The following PLCB1 variants were observed in gnomAD, a reference collection of about 807,000 sequenced individuals.
PLCB1 encodes the protein phospholipase C beta 1, also known as 1-phosphatidylinositol 4,5-bisphosphate phosphodiesterase beta-1.
PLCB1 carries 46 observed loss-of-function variants against 161.8 expected under a neutral mutation model. The ratio of observed to expected loss-of-function variants is 0.28; its 90% CI spans 0.22 to 0.36. PLCB1 has a LOEUF of 0.36. Among genes scored for constraint, PLCB1 ranks in the 10% least tolerant of loss-of-function variants. The pLI, the probability that PLCB1 is intolerant of heterozygous loss-of-function variation, is 1.00. For synonymous variants in PLCB1, 517 were observed against 503.7 expected (o/e 1.03, Z -0.35); for missense variants, 1,016 against 1,472.5 (o/e 0.69, Z 5.07).
chr20:8,321,756 C>T (rs1023395319), intron 2 of PLCB1, among the ~76,000 whole-genome samples: 1 of 152,146 alleles, frequency 6.6e-6, no homozygotes, highest in Non-Finnish European at 1.5e-5. Context: ...ACATTAAATG[C>T]CACCATCCTT....
At chr20:8,219,812 A>G (rs956368301) in intron 2 of PLCB1, among the ~76,000 whole-genome samples, 3 of 152,184 alleles carry the variant, frequency 2.0e-5, no homozygotes, top group African/African-American at 4.8e-5. Context: ...TTGAATTGTT[A>G]TATGTTAAAA....
intron 3 of PLCB1, among the ~76,000 whole-genome samples, chr20:8,417,480 T>C (rs1289829318): frequency 1.3e-5 from 2 of 151,748 alleles, no homozygotes; most frequent in African/African-American, 2.4e-5. Flanking sequence ...GTAAAAACAG[T>C]GTCATTGATT....
intron 2 of PLCB1, among the ~76,000 whole-genome samples, chr20:8,329,832 T>G (rs1985297874): frequency 2.0e-5 from 3 of 152,202 alleles, no homozygotes; most frequent in Admixed American, 2.0e-4. Context: ...GAGTTGGGTC[T>G]GTTTAGTCTA....
intron 2 of PLCB1, among the ~76,000 whole-genome samples, chr20:8,319,268 T>C (rs1242239934): frequency 6.6e-6 from 1 of 152,144 alleles, no homozygotes; most frequent in East Asian, 1.9e-4. Context: ...ATTTAGCTCA[T>C]GTATCTGTAG....
chr20:8,741,778 A>G (rs1158270393), intron 23 of PLCB1, among the ~76,000 whole-genome samples: 1 of 152,242 alleles, frequency 6.6e-6, no homozygotes, highest in African/African-American at 2.4e-5. Context: ...CATTCTGTGG[A>G]TACCACGAGC....
At chr20:8,167,076 T>A (rs947892894) in intron 2 of PLCB1, among the ~76,000 whole-genome samples, 3 of 152,218 alleles carry the variant, frequency 2.0e-5, no homozygotes, top group African/African-American at 7.2e-5. Context: ...TTCCATGGTG[T>A]AAATACTGTA....
chr20:8,798,571 C>T (rs1044325484), intron 31 of PLCB1, among the ~76,000 whole-genome samples: 4 of 29,354 alleles, frequency 1.4e-4, no homozygotes, highest in Non-Finnish European at 6.0e-4. Context: ...AACATACACA[C>T]ATACACACAC....
Position 8,611,274 on chromosome 20 carries a change from A to T in PLCB1, c.247-17020A>T, listed in dbSNP as rs191754322. Among the ~76,000 whole-genome samples the T allele has an allele frequency of 1.6e-3, 242 of 152,174 alleles. 1 individual carries two copies. Among genetic ancestry groups the T allele is most frequent in the African/African-American group, 5.2e-3 (216 of 41,572 alleles). On this transcript the variant is annotated intron_variant, in intron 3 of 31. Transcript: ENST00000338037. Reference sequence around the variant, plus strand: ...GTATACAAGAAACTAAAATGGTGCCATTGGGCACCATCTTCTTTAATTCTT... The same window carrying T: ...GTATACAAGAAACTAAAATGGTGCCTTTGGGCACCATCTTCTTTAATTCTT...
At chr20:8,215,222 A>C (rs1979052558) in intron 2 of PLCB1, among the ~76,000 whole-genome samples, 1 of 151,926 alleles carries the variant, frequency 6.6e-6, no homozygotes, top group Admixed American at 6.6e-5. Flanking sequence ...ATAAAAGCCA[A>C]CCCATAAGCA....
chr20:8,555,222 C>T lies in PLCB1; in HGVS notation c.247-73072C>T, dbSNP rs947038063. Among the ~76,000 whole-genome samples, 12 of 152,096 alleles carry T rather than the reference C, an allele frequency of 7.9e-5. No individual in the cohort carries two copies. The South Asian group carries it at 2.3e-3, about 29-fold the overall frequency. On this transcript the variant is annotated intron_variant, in intron 3 of 31. Transcript: ENST00000338037. ...TCTGCTGTTTTTGCTGACTTCACCA[C>T]CAACCCTCATATTCTTAACTCTGTA...
chr20:8,390,662 C>A (rs1381073338), intron 3 of PLCB1, among the ~76,000 whole-genome samples: 2 of 152,150 alleles, frequency 1.3e-5, no homozygotes, highest in Non-Finnish European at 2.9e-5. Flanking sequence ...TTCAGAAATA[C>A]ACAATTGCTT....
intron 2 of PLCB1, among the ~76,000 whole-genome samples, chr20:8,246,671 A>C (rs919966127): frequency 3.3e-5 from 5 of 151,948 alleles, no homozygotes; most frequent in Admixed American, 3.3e-4. Context: ...TTACTACCTT[A>C]TTTAATTCAT....
rs1420456298 is a variant in PLCB1, at chr20:8,600,358, C to A, written c.247-27936C>A. On this transcript the variant is annotated intron_variant, in intron 3 of 31. Transcript: ENST00000338037. ...CTACAGGTCAGTTGGAATACCCTGC[C>A]GTGTGAGGTGTCAGTGTGCCCCTGC... is the stretch of plus-strand genomic sequence containing the variant. 5.9e-4 allele frequency among the ~76,000 whole-genome samples: 62 copies of A among 104,358 alleles called. 5 individuals are homozygous for A. Among genetic ancestry groups the A allele is most frequent in the Non-Finnish European group, 9.0e-4 (44 of 48,896 alleles). The allele number at this position is 104,358 out of a possible 152,430, so 68.5% of individuals were successfully genotyped here. A position where few individuals can be genotyped will look rare whatever the true frequency, so the allele number is the denominator to read the frequency against.
intron 2 of PLCB1, among the ~76,000 whole-genome samples, chr20:8,282,052 A>C (rs754436732): frequency 4.6e-5 from 7 of 152,178 alleles, no homozygotes; most frequent in Admixed American, 1.3e-4. Context: ...CAAACATGTT[A>C]AAATGCTCAA....
intron 2 of PLCB1, among the ~76,000 whole-genome samples, chr20:8,273,953 AAATGTATCTCC>A (rs2123268692): frequency 6.6e-6 from 1 of 152,340 alleles, no homozygotes; most frequent in South Asian, 2.1e-4. Context: ...CAGAAGATGC[AAATGTATCTCC>A]ATATGTTAAT....
chr20:8,523,168 C>T (rs536973048), intron 3 of PLCB1, among the ~76,000 whole-genome samples: 113 of 151,950 alleles, frequency 7.4e-4, no homozygotes, highest in Non-Finnish European at 7.9e-4. Context: ...GGCCTGTTAT[C>T]CCTGCTGCCT....
intron 3 of PLCB1, among the ~76,000 whole-genome samples, chr20:8,478,867 TA>T (rs1358254909): frequency 6.6e-6 from 1 of 152,088 alleles, no homozygotes; most frequent in Non-Finnish European, 1.5e-5. Context: ...TTTCATAGAT[TA>T]AAAATGCTCA....
intron 3 of PLCB1, among the ~76,000 whole-genome samples, chr20:8,567,236 C>A (rs1174671141): frequency 6.6e-6 from 1 of 152,008 alleles, no homozygotes; most frequent in Non-Finnish European, 1.5e-5. Flanking sequence ...GGACGATGGG[C>A]CAAGTTTGGG....
At chr20:8,784,862 G>T (rs921517706) in intron 27 of PLCB1, among the ~76,000 whole-genome samples, 4 of 152,014 alleles carry the variant, frequency 2.6e-5, no homozygotes, top group Non-Finnish European at 5.9e-5. Context: ...TTCCAATAAG[G>T]CAGCCTGTGG....
Sources: gnomAD v4.1 joint callset for allele counts (sites outside exome capture counted in the v4.1 genomes callset) on GRCh38, gnomAD v4.1.1 for gene constraint, MANE v1.5 for transcripts, NCBI Gene and HGNC (gene_info 2026-07-23, HGNC 2026-07-21) for gene names.